Variants in NFE2L3 observed in about 807,000 individuals in gnomAD.
NFE2L3 encodes NFE2 like bZIP transcription factor 3.
Under a neutral mutation model 23.5 loss-of-function variants are expected in NFE2L3, and 18 were observed. The observed-to-expected ratio is 0.77, with a 90% CI of 0.53 to 1.13. The LOEUF (loss-of-function observed/expected upper bound fraction) is 1.13. Ranked by LOEUF, NFE2L3 falls within the 50% of genes most tolerant of loss-of-function variation. NFE2L3 has a pLI of 0.00. For synonymous variants in NFE2L3, 424 were observed against 354.5 expected, an observed-to-expected ratio of 1.20 and a Z score of -2.20; for missense variants, 1,152 against 877.2, an observed-to-expected ratio of 1.31 and a Z score of -3.96.
chr7:26,184,351 T>C, intron 3 of NFE2L3, 182 bp from the exon 4 acceptor site: 1 of 555,710 alleles, frequency 1.8e-6, no homozygotes, highest in East Asian at 2.9e-5. Flanking sequence ...CCAGGTATTC[T>C]GATTTGGACT....
At chr7:26,181,934 G>T (rs1784520609) in intron 2 of NFE2L3, among the ~76,000 whole-genome samples, 1 of 152,214 alleles carries the variant, frequency 6.6e-6, no homozygotes, top group East Asian at 1.9e-4. Flanking sequence ...TACCAGAGAA[G>T]ATGCAAAATA....
At position 26,184,639 on chromosome 7, in the gene NFE2L3, A is replaced by G. The variant is rs1286484632; in HGVS notation, c.941A>G (p.Asn314Ser). 1.8e-5 allele frequency: 29 copies of G among 1,613,926 alleles called. No homozygotes were observed. The highest frequency in any genetic ancestry group is 2.5e-5 in the Non-Finnish European group (29 of 1,179,846). Residue 314 changes from asparagine (N) to serine (S), a missense_variant, in exon 4 of 4, where the codon AAT becomes AGT. Physicochemically the swap from Asn to Ser is conservative, Grantham distance 46. Coordinates refer to ENST00000056233, the MANE Select transcript of NFE2L3 (RefSeq NM_004289.7). The part of the protein sequence containing the change: ...NFSQAISQDV[N>S]LHEAILLCPN... ...AGCCAGGCTATAAGTCAGGATGTGA[A>G]TCTTCATGAGGCCATCTTGCTTTGT...
chr7:26,161,529 G>A (rs1273352323), intron 1 of NFE2L3, among the ~76,000 whole-genome samples: 1 of 151,748 alleles, frequency 6.6e-6, no homozygotes, highest in East Asian at 1.9e-4. Context: ...GGTGGTTCTT[G>A]TGCCATCCCA....
chr7:26,185,353 A>G lies in NFE2L3; in HGVS notation c.1655A>G (p.Asp552Gly), dbSNP rs1414642464. ...GCTTTGCATATCCCTTTTTCTGTAGATGAAATTGTCGGCATGCCTGTTGAT... is the reference window on the plus strand; with the variant it reads ...GCTTTGCATATCCCTTTTTCTGTAGGTGAAATTGTCGGCATGCCTGTTGAT... Reference protein sequence around the residue: ...AKALHIPFSVDEIVGMPVDSF... With the variant: ...AKALHIPFSVGEIVGMPVDSF... The change falls in exon 4 of 4, where the codon GAT (aspartate) becomes GGT (glycine). Residue 552 changes from aspartate to glycine, a missense_variant. Physicochemically the swap from Asp to Gly is moderately conservative, Grantham distance 94 (BLOSUM62 -1). Transcript: ENST00000056233. The G allele has an allele frequency of 6.2e-7, 1 of 1,614,136 alleles. No homozygotes were observed. The highest frequency in any genetic ancestry group is 1.3e-5 in the African/African-American group (1 of 75,036).
chr7:26,152,361 G>C lies in NFE2L3; in HGVS notation c.-138G>C. 2.0e-6 allele frequency: 1 copy of C among 502,882 alleles called. No individual in the cohort carries two copies. Among genetic ancestry groups the C allele is most frequent in the Non-Finnish European group, 2.8e-6 (1 of 352,608 alleles). The allele number at this position is 502,882 out of a possible 1,614,324, so 31.2% of individuals were successfully genotyped here. On this transcript the variant is annotated 5_prime_UTR_variant, in exon 1 of 4. Transcript: ENST00000056233. The surrounding 1 kb of genome is among the most constrained non-coding windows in gnomAD (Gnocchi z 4.4). ...GCTGGGAACCCGCGACGGCCGCCAC[G>C]CGCCCCGGTCCATTGTTTCGCTTAT...
At position 26,159,881 on chromosome 7, in the gene NFE2L3, A is replaced by G. The variant is rs117686394; in HGVS notation, c.570+6813A>G. 5.1e-3 allele frequency among the ~76,000 whole-genome samples: 777 copies of G among 152,300 alleles called. 2 individuals are homozygous for G. Among genetic ancestry groups the G allele is most frequent in the Non-Finnish European group, 8.2e-3 (555 of 68,020 alleles). Reference sequence around the variant, plus strand: ...CTGCTCACTATAAAACTTCAAAGGTAAAAACAAAAGTCTGTCTCGTTCATG... The same window carrying G: ...CTGCTCACTATAAAACTTCAAAGGTGAAAACAAAAGTCTGTCTCGTTCATG... On this transcript the variant is annotated intron_variant, in intron 1 of 3. Transcript: ENST00000056233.
rs10275457 is a variant in NFE2L3 at position 26,177,931 on chromosome 7, G to T, written c.571-12G>T. On this transcript the variant is annotated splice_polypyrimidine_tract_variant and intron_variant, in intron 1 of 3. Coordinates refer to ENST00000056233, the MANE Select transcript of NFE2L3 (RefSeq NM_004289.7). ...CTGTTTGCTTATTTGATGAAATTTC[G>T]TACTTTTATAGGAGAATGGGGTACT... The T allele has an allele frequency of 6.3e-4, 1,006 of 1,602,426 alleles. 10 individuals are homozygous for T. In the African/African-American group the frequency reaches 0.012, roughly 19 times the overall value.
intron 1 of NFE2L3, among the ~76,000 whole-genome samples, chr7:26,170,080 T>C (rs1266823486): frequency 2.0e-5 from 3 of 152,216 alleles, no homozygotes; most frequent in Non-Finnish European, 4.4e-5. Flanking sequence ...TGGTTAATAG[T>C]ACCCTCTTAC....
intron 1 of NFE2L3, among the ~76,000 whole-genome samples, chr7:26,156,878 C>T (rs896733361): frequency 4.0e-5 from 6 of 151,584 alleles, no homozygotes; most frequent in African/African-American, 1.2e-4. Flanking sequence ...TTTGGGAGGC[C>T]GAGGCAGGAG....
intron 1 of NFE2L3, among the ~76,000 whole-genome samples, chr7:26,165,753 T>C (rs1369235953): frequency 6.6e-6 from 1 of 152,214 alleles, no homozygotes; most frequent in African/African-American, 2.4e-5. Context: ...CTTCCAGTTT[T>C]TGCCCATTCA....
At chr7:26,155,682 T>C (rs1239954365) in intron 1 of NFE2L3, among the ~76,000 whole-genome samples, 5 of 152,128 alleles carry the variant, frequency 3.3e-5, no homozygotes, top group African/African-American at 1.2e-4. Context: ...CAGTGCTAGA[T>C]TGTGCCATTC....
Position 26,185,462 on chromosome 7 carries a change from TAA to T in NFE2L3, c.1766_1767del (p.Lys589SerfsTer8), listed in dbSNP as rs1782459118. ...IRDIRRRGKN[K>X]VAAQNCRKRK... ...GTGACATCAGACGAAGAGGGAAAAA[TAA>T]AGTTGCTGCGCAGAACTGTCGTAAA... On this transcript the variant is annotated frameshift_variant, in exon 4 of 4. Coordinates refer to ENST00000056233, the MANE Select transcript of NFE2L3 (RefSeq NM_004289.7). LOFTEE classifies it low-confidence loss of function (END_TRUNC). 7 of 1,613,988 alleles carry T rather than the reference TAA, an allele frequency of 4.3e-6. No homozygotes were observed. Among genetic ancestry groups the T allele is most frequent in the Non-Finnish European group, 5.1e-6 (6 of 1,179,914 alleles).
At chr7:26,157,004 C>T (rs746430888) in intron 1 of NFE2L3, among the ~76,000 whole-genome samples, 17 of 151,966 alleles carry the variant, frequency 1.1e-4, no homozygotes, top group Non-Finnish European at 2.4e-4. Flanking sequence ...CCCAGCTACT[C>T]GGGAGCCTGA....
chr7:26,179,795 G>C (rs1228013687), intron 2 of NFE2L3, among the ~76,000 whole-genome samples: 1 of 152,206 alleles, frequency 6.6e-6, no homozygotes, highest in Non-Finnish European at 1.5e-5. Flanking sequence ...ATTTCTCTGG[G>C]GTTGAGGGTG....
intron 2 of NFE2L3, among the ~76,000 whole-genome samples, chr7:26,183,457 A>C (rs1475922215): frequency 7.0e-6 from 1 of 143,836 alleles, no homozygotes; most frequent in Non-Finnish European, 1.6e-5. Context: ...CTAAGGCAGG[A>C]GAATCCTTTG....
At chr7:26,184,159 T>C (rs557083839) in intron 3 of NFE2L3, 30 of 331,342 alleles carry the variant, frequency 9.1e-5, no homozygotes, top group African/African-American at 3.9e-4. Context: ...ACAGCCTCTC[T>C]CCTCCAGACT....
chr7:26,172,293 T>C (rs2128098893), intron 1 of NFE2L3, among the ~76,000 whole-genome samples: 1 of 152,358 alleles, frequency 6.6e-6, no homozygotes, highest in South Asian at 2.1e-4. Flanking sequence ...ATTTCAAACT[T>C]TTAAAAATGG....
At chr7:26,172,704 T>G (rs926790056) in intron 1 of NFE2L3, among the ~76,000 whole-genome samples, 1 of 152,186 alleles carries the variant, frequency 6.6e-6, no homozygotes, top group Non-Finnish European at 1.5e-5. Flanking sequence ...ATGATTAGAT[T>G]GAGATTATGA....
intron 2 of NFE2L3, among the ~76,000 whole-genome samples, chr7:26,181,792 A>G (rs1445862626): frequency 1.3e-5 from 2 of 152,140 alleles, no homozygotes; most frequent in African/African-American, 2.4e-5. Flanking sequence ...AAAGAAAAAG[A>G]TCTAGAAAAG....
Sources: allele counts gnomAD v4.1 joint callset (sites outside exome capture counted in the v4.1 genomes callset), GRCh38; gene constraint gnomAD v4.1.1; non-coding constraint Gnocchi (gnomAD v3.1); transcripts MANE v1.5; gene names NCBI Gene and HGNC (gene_info 2026-07-23, HGNC 2026-07-21).